CAST: variants seen among roughly 807,000 people sequenced by gnomAD.
The protein encoded by CAST is calpastatin, also known as MIR583 host.
In CAST, 76 loss-of-function variants were observed where a neutral mutation model predicts 119.6. The observed-to-expected ratio is 0.64, with a 90% CI of 0.53 to 0.77. The LOEUF (loss-of-function observed/expected upper bound fraction) is 0.77. CAST is among the 30% of genes least tolerant of loss of function. The pLI is 0.00. For missense variants in CAST, 953 were observed against 946.5 expected (o/e 1.01, Z -0.09); for synonymous variants, 319 against 331.6 (o/e 0.96, Z 0.41).
the CAST span, among the ~76,000 whole-genome samples, chr5:96,021,861 C>A: frequency 1.3e-5 from 2 of 152,140 alleles, no homozygotes; most frequent in African/African-American, 4.8e-5. Context: ...CTTAAGTGAT[C>A]GGATTACATA....
At chr5:96,413,488 A>G in the CAST span, among the ~76,000 whole-genome samples, 1 of 152,328 alleles carries the variant, frequency 6.6e-6, no homozygotes, top group South Asian at 2.1e-4. Context: ...TTGTATTTGT[A>G]AAAAAGAAAT....
the CAST span, among the ~76,000 whole-genome samples, chr5:96,483,976 C>A: frequency 6.6e-6 from 1 of 152,264 alleles, no homozygotes; most frequent in East Asian, 1.9e-4. Flanking sequence ...TCCCATGAGG[C>A]CTTATTTGGG....
chr5:96,560,694 A>G (rs1422215194), intron 1 of CAST, among the ~76,000 whole-genome samples: 1 of 152,078 alleles, frequency 6.6e-6, no homozygotes, highest in Non-Finnish European at 1.5e-5. Flanking sequence ...TTAAAAAGTC[A>G]GGAAACAACA....
chr5:96,094,937 A>G, the CAST span, among the ~76,000 whole-genome samples: 1 of 152,214 alleles, frequency 6.6e-6, no homozygotes, highest in African/African-American at 2.4e-5. Flanking sequence ...TAAATCATCC[A>G]GCAAACCCAA....
the CAST span, among the ~76,000 whole-genome samples, chr5:96,099,061 A>G: frequency 6.6e-6 from 1 of 152,044 alleles, no homozygotes; most frequent in Non-Finnish European, 1.5e-5. Context: ...CTGTATTCCT[A>G]GGTATTTTAT....
the CAST span, among the ~76,000 whole-genome samples, chr5:96,233,005 A>G: frequency 2.6e-5 from 4 of 152,056 alleles, no homozygotes; most frequent in Admixed American, 1.3e-4. Flanking sequence ...TTGGAATAGT[A>G]AAAAAGGGGA....
At chr5:96,000,335 G>A in the CAST span, among the ~76,000 whole-genome samples, 5 of 152,042 alleles carry the variant, frequency 3.3e-5, no homozygotes, top group African/African-American at 1.2e-4. Context: ...TCTAATTTAA[G>A]GTCTTCAAGG....
chr5:96,287,304 A>G, the CAST span, among the ~76,000 whole-genome samples: 1 of 152,104 alleles, frequency 6.6e-6, no homozygotes, highest in African/African-American at 2.4e-5. Flanking sequence ...CAATCTCATA[A>G]TTGAAAAGAA....
At chr5:96,324,982 A>C in the CAST span, among the ~76,000 whole-genome samples, 1 of 152,142 alleles carries the variant, frequency 6.6e-6, no homozygotes, top group Admixed American at 6.5e-5. Context: ...AAGTGGGTGA[A>C]TCACTTGAGC....
At chr5:96,378,808 T>C in the CAST span, among the ~76,000 whole-genome samples, 1 of 152,144 alleles carries the variant, frequency 6.6e-6, no homozygotes, top group Non-Finnish European at 1.5e-5. Flanking sequence ...AATTATTTTC[T>C]AGTTTAGAAT....
At chr5:96,586,283 T>C (rs1210017850) in intron 1 of CAST, among the ~76,000 whole-genome samples, 2 of 152,194 alleles carry the variant, frequency 1.3e-5, no homozygotes, top group African/African-American at 4.8e-5. Flanking sequence ...GCTAGAAATA[T>C]GTTTTTGTAT....
chr5:96,359,063 T>A, the CAST span, among the ~76,000 whole-genome samples: 1 of 152,228 alleles, frequency 6.6e-6, no homozygotes, highest in Admixed American at 6.5e-5. Flanking sequence ...GCTCTTCTTG[T>A]TGCATTGCTC....
At position 96,726,847 on chromosome 5, in the gene CAST, ACACAAAAAACAGGTG is replaced by A; in HGVS notation, c.325_336+3del. 1 of 1,612,702 alleles carries A rather than the reference ACACAAAAAACAGGTG, an allele frequency of 6.2e-7. No individual in the cohort carries two copies. The highest frequency in any genetic ancestry group is 8.5e-7 in the Non-Finnish European group (1 of 1,178,866). On this transcript the variant is annotated splice_donor_variant and splice_donor_region_variant and coding_sequence_variant and intron_variant, in exon 5 of 32. Transcript: ENST00000675179. LOFTEE classifies it high-confidence loss of function. The stretch of plus-strand genomic sequence containing the variant: ...GACCACATCTTCCTAACAAGAAAAA[ACACAAAAAACAGGTG>A]ATGTTGTTCATTGTACTAGGGCATC...
chr5:96,545,494 T>C (rs11135469), intron 1 of CAST, among the ~76,000 whole-genome samples: 95,615 of 151,962 alleles, frequency 0.63, 30,319 homozygotes, highest in East Asian at 0.86. Context: ...TGAATTTTTT[T>C]CATTCCAATA....
At chr5:96,025,669 T>G in the CAST span, among the ~76,000 whole-genome samples, 1 of 152,194 alleles carries the variant, frequency 6.6e-6, no homozygotes, top group African/African-American at 2.4e-5. Flanking sequence ...GTAAAATTGT[T>G]GTTCTGTTAA....
intron 1 of CAST, among the ~76,000 whole-genome samples, chr5:96,591,372 A>G (rs1195117322): frequency 6.6e-6 from 1 of 152,194 alleles, no homozygotes; most frequent in African/African-American, 2.4e-5. Flanking sequence ...CAGAATTTCA[A>G]CATCTTTCTG....
At chr5:96,264,248 C>G in the CAST span, among the ~76,000 whole-genome samples, 1 of 152,184 alleles carries the variant, frequency 6.6e-6, no homozygotes, top group South Asian at 2.1e-4. Flanking sequence ...TGCAACTTTT[C>G]TCATAAAGAG....
chr5:96,005,711 G>A, the CAST span, among the ~76,000 whole-genome samples: 9 of 152,036 alleles, frequency 5.9e-5, no homozygotes, highest in African/African-American at 1.9e-4. Context: ...TGTGATAGGG[G>A]AAACTGGGTG....
the CAST span, among the ~76,000 whole-genome samples, chr5:96,141,761 A>G: frequency 8.1e-3 from 1,240 of 152,180 alleles, 20 homozygotes; most frequent in African/African-American, 0.029. Flanking sequence ...GTTTATGGAG[A>G]TGGTTTGTGT....
Sources: gnomAD v4.1 joint callset for allele counts (sites outside exome capture counted in the v4.1 genomes callset) on GRCh38, gnomAD v4.1.1 for gene constraint, MANE v1.5 for transcripts, NCBI Gene and HGNC (gene_info 2026-07-23, HGNC 2026-07-21) for gene names.